Variants in TBC1D12 observed in about 807,000 individuals in gnomAD.
The protein encoded by TBC1D12 is TBC1 domain family member 12, also known as TBC1 domain family, member 12.
A neutral mutation model predicts 86.7 loss-of-function variants in TBC1D12; 56 were observed. The observed-to-expected ratio is 0.65, with a 90% CI of 0.52 to 0.81. TBC1D12 has a LOEUF of 0.81. Ranked by LOEUF, TBC1D12 falls within the 30% of genes least tolerant of loss-of-function variation. The pLI is 0.00. For missense variants in TBC1D12, 1,023 were observed against 1,038.8 expected, an observed-to-expected ratio of 0.98 and a Z score of 0.21; for synonymous variants, 421 against 411.7, an observed-to-expected ratio of 1.02 and a Z score of -0.27.
intron 2 of TBC1D12, among the ~76,000 whole-genome samples, chr10:94,458,399 G>C (rs1257927105): frequency 6.6e-6 from 1 of 152,100 alleles, no homozygotes; most frequent in Non-Finnish European, 1.5e-5. Flanking sequence ...CTCTGTAACT[G>C]TAAGAAATAA....
chr10:94,419,722 A>C (rs949380071), intron 1 of TBC1D12, among the ~76,000 whole-genome samples: 2 of 152,216 alleles, frequency 1.3e-5, no homozygotes, highest in Non-Finnish European at 2.9e-5. Flanking sequence ...ACAGCTTTTG[A>C]TAGGAACAGT....
chr10:94,526,637 G>A (rs958346015), intron 11 of TBC1D12, among the ~76,000 whole-genome samples: 2 of 152,072 alleles, frequency 1.3e-5, no homozygotes, highest in Admixed American at 1.3e-4. Context: ...TTCATCTGTT[G>A]TTGGATACTC....
At chr10:94,494,304 C>T (rs2056285980) in intron 4 of TBC1D12, among the ~76,000 whole-genome samples, 1 of 152,058 alleles carries the variant, frequency 6.6e-6, no homozygotes. Flanking sequence ...CATCTAACAC[C>T]TTATTAACAA....
intron 9 of TBC1D12, among the ~76,000 whole-genome samples, chr10:94,512,081 C>A (rs1371844053): frequency 6.6e-6 from 1 of 152,140 alleles, no homozygotes; most frequent in South Asian, 2.1e-4. Context: ...ATTTTTAGCT[C>A]TCTTTCTCCA....
intron 1 of TBC1D12, among the ~76,000 whole-genome samples, chr10:94,419,169 G>A (rs2055042402): frequency 6.6e-6 from 1 of 152,110 alleles, no homozygotes; most frequent in African/African-American, 2.4e-5. Context: ...CACCGCGCCT[G>A]GCCTCCCAGC....
At chr10:94,506,056 A>T (rs201516010) in intron 6 of TBC1D12, among the ~76,000 whole-genome samples, 1 of 108,826 alleles carries the variant, frequency 9.2e-6, no homozygotes, top group African/African-American at 3.9e-5. Context: ...TTTTTTTTTT[A>T]AACGGAGTCT....
intron 4 of TBC1D12, 125 bp from the exon 5 acceptor site, chr10:94,496,930 T>C (rs571170385): frequency 3.4e-4 from 161 of 468,288 alleles, no homozygotes; most frequent in African/African-American, 3.0e-3. Context: ...CTCCCTTATT[T>C]CCTTCCTTCC....
At chr10:94,472,071 A>C (rs1441504161) in intron 2 of TBC1D12, among the ~76,000 whole-genome samples, 1 of 152,144 alleles carries the variant, frequency 6.6e-6, no homozygotes, top group African/African-American at 2.4e-5. Context: ...ATCTACCCCG[A>C]TGAGCCTTTC....
chr10:94,506,532 G>A (rs1463120884), intron 6 of TBC1D12, among the ~76,000 whole-genome samples: 3 of 152,064 alleles, frequency 2.0e-5, no homozygotes, highest in Admixed American at 2.0e-4. Context: ...ATCTGCAATA[G>A]TTAGTTACAA....
chr10:94,439,469 G>A (rs1271701196), intron 1 of TBC1D12, among the ~76,000 whole-genome samples: 1 of 152,188 alleles, frequency 6.6e-6, no homozygotes, highest in Non-Finnish European at 1.5e-5. Flanking sequence ...GCCTTTGGTG[G>A]AGTCAATTTT....
At chr10:94,522,493 A>G (rs969612313) in intron 11 of TBC1D12, 40 bp downstream of exon 11, 1 of 868,288 alleles carries the variant, frequency 1.2e-6, no homozygotes, top group Non-Finnish European at 1.7e-6. Context: ...ATGAAAAGGA[A>G]ATAAAGTATA....
At chr10:94,517,382 C>G (rs1033917968) in intron 9 of TBC1D12, among the ~76,000 whole-genome samples, 5 of 152,064 alleles carry the variant, frequency 3.3e-5, no homozygotes, top group African/African-American at 1.2e-4. Context: ...TGTCTCAAAA[C>G]AAACAAACAA....
At position 94,497,086 on chromosome 10, in the gene TBC1D12, C is replaced by A; in HGVS notation, c.1326C>A (p.Ile442=). 1 of 1,567,528 alleles carries A rather than the reference C, an allele frequency of 6.4e-7. No individual in the cohort carries two copies. Among genetic ancestry groups the A allele is most frequent in the Non-Finnish European group, 8.6e-7 (1 of 1,163,964 alleles). ...AGGAAGCACATAAAAGAAAAAGAAT[C>A]ATGAAAGAACGATTTAAGCAGGAAG... ...EIKEAHKRKR[I]MKERFKQEEN... is the part of the protein sequence containing the mutation. The change falls in exon 5 of 13, where the codon ATC becomes ATA. Residue 442 remains isoleucine (I), a synonymous_variant. Coordinates refer to ENST00000225235, the MANE Select transcript of TBC1D12 (RefSeq NM_015188.2).
chr10:94,517,388 A>T (rs1842026797), intron 9 of TBC1D12, among the ~76,000 whole-genome samples: 1 of 152,194 alleles, frequency 6.6e-6, no homozygotes, highest in African/African-American at 2.4e-5. Context: ...AAAACAAACA[A>T]ACAAAAATCC....
At chr10:94,502,940 T>A (rs943646544) in intron 6 of TBC1D12, among the ~76,000 whole-genome samples, 2 of 152,220 alleles carry the variant, frequency 1.3e-5, no homozygotes, top group African/African-American at 4.8e-5. Context: ...AGCAATTTGG[T>A]GTATATTCTT....
chr10:94,531,862 ATATGTTATGT>A lies in TBC1D12; in HGVS notation c.2259+441_2259+450del, dbSNP rs71031585. Reference sequence around the variant, plus strand: ...ATTTTATTTTATGTTATTTTATTTTATATGTTATGTTATGTTATGTTATGTTATGTTATGT... The same window carrying A: ...ATTTTATTTTATGTTATTTTATTTTATATGTTATGTTATGTTATGTTATGT... On this transcript the variant is annotated intron_variant, in intron 12 of 12. Transcript: ENST00000225235. Among the ~76,000 whole-genome samples the A allele has an allele frequency of 8.4e-3, 700 of 83,278 alleles. 14 individuals are homozygous for A. Among genetic ancestry groups the A allele is most frequent in the African/African-American group, 0.029 (661 of 22,962 alleles). The allele number at this position is 83,278 out of a possible 152,430, so 54.6% of individuals were successfully genotyped here.
rs1400363500 is a variant in TBC1D12, at chr10:94,403,372, C to G, written c.759C>G (p.Ala253=). The change falls in exon 1 of 13, where the codon GCC becomes GCG. Residue 253 remains alanine, a synonymous_variant. Transcript: ENST00000225235. ...PEEGAPPATS[A]ERTNGGAEPR... is the part of the protein sequence containing the mutation. ...AGGGCGCGCCCCCTGCCACCTCGGC[C>G]GAGAGGACTAATGGGGGTGCGGAGC... 5.2e-6 allele frequency: 8 copies of G among 1,532,294 alleles called. No homozygotes were observed. Among genetic ancestry groups the G allele is most frequent in the Non-Finnish European group, 7.0e-6 (8 of 1,140,198 alleles). 94.9% of individuals were successfully genotyped at this position (1,532,294 alleles called of 1,614,324 possible). A position where few individuals can be genotyped will look rare whatever the true frequency, so the allele number is the denominator to read the frequency against.
chr10:94,513,042 T>G (rs1280765985), intron 9 of TBC1D12, among the ~76,000 whole-genome samples: 3 of 149,212 alleles, frequency 2.0e-5, no homozygotes, highest in Non-Finnish European at 3.0e-5. Context: ...TATTCAGGAG[T>G]TCGAGACCAG....
In TBC1D12 at chr10:94,483,604, AT is replaced by A. The variant is rs2056111273; in HGVS notation, c.1211+8823del. Among the ~76,000 whole-genome samples the A allele has an allele frequency of 2.6e-5, 4 of 152,138 alleles. No individual in the cohort carries two copies. In the South Asian group the frequency reaches 8.3e-4, roughly 32 times the overall value. On this transcript the variant is annotated intron_variant, in intron 3 of 12. Coordinates refer to ENST00000225235, the MANE Select transcript of TBC1D12 (RefSeq NM_015188.2). The stretch of plus-strand genomic sequence containing the variant: ...AATATTTTACCTATTTTTAAATTGG[AT>A]TATTAGCTTTATCCCTGTGGATATA...
Sources: allele counts gnomAD v4.1 joint callset (sites outside exome capture counted in the v4.1 genomes callset), GRCh38; gene constraint gnomAD v4.1.1; transcripts MANE v1.5; gene names NCBI Gene and HGNC (gene_info 2026-07-23, HGNC 2026-07-21).